The following UGT2B7 variants were observed in gnomAD, a reference collection of about 807,000 sequenced individuals.
UGT2B7 encodes UDP-glucuronosyltransferase 2B7.
UGT2B7 carries 51 observed loss-of-function variants against 51.9 expected under a neutral mutation model. That is an observed-to-expected ratio of 0.98 (90% CI 0.78 to 1.24). The LOEUF (loss-of-function observed/expected upper bound fraction) is 1.24. UGT2B7 is among the 50% of genes most tolerant of loss of function. The probability of loss-of-function intolerance (pLI) is 0.00; values close to 1 mark genes in which losing one functional copy is unlikely to be tolerated. For missense variants in UGT2B7, 727 were observed against 628.4 expected (o/e 1.16, Z -1.68); for synonymous variants, 225 against 211.6 (o/e 1.06, Z -0.55).
At chr4:69,090,935 G>A (rs1027423431) in intron 2 of UGT2B7, among the ~76,000 whole-genome samples, 3 of 152,078 alleles carry the variant, frequency 2.0e-5, no homozygotes, top group Non-Finnish European at 2.9e-5. Context: ...ACTGCCTAAG[G>A]TCTTCATTCC....
intron 5 of UGT2B7, among the ~76,000 whole-genome samples, chr4:69,110,734 TG>T (rs1435859003): frequency 6.6e-6 from 1 of 152,136 alleles, no homozygotes; most frequent in African/African-American, 2.4e-5. Flanking sequence ...GGTGACTAAA[TG>T]GTTCAGAAAA....
intron 1 of UGT2B7, among the ~76,000 whole-genome samples, chr4:69,068,377 T>C (rs1560500802): frequency 6.6e-6 from 1 of 152,006 alleles, no homozygotes; most frequent in African/African-American, 2.4e-5. Flanking sequence ...TTTGCTTATT[T>C]TGAAGAATTA....
At chr4:69,059,307 C>T (rs532461679) in intron 1 of UGT2B7, among the ~76,000 whole-genome samples, 2 of 152,146 alleles carry the variant, frequency 1.3e-5, no homozygotes, top group African/African-American at 4.8e-5. Flanking sequence ...ATCGGTTGGT[C>T]AAAGAGGTGT....
chr4:69,110,496 A>G (rs1197494648), intron 5 of UGT2B7, among the ~76,000 whole-genome samples: 3 of 152,082 alleles, frequency 2.0e-5, no homozygotes, highest in Non-Finnish European at 4.4e-5. Flanking sequence ...AGAATTATCA[A>G]TATTGTCCAA....
intron 5 of UGT2B7, among the ~76,000 whole-genome samples, chr4:69,111,019 C>A (rs188844415): frequency 2.0e-5 from 3 of 152,130 alleles, no homozygotes; most frequent in Non-Finnish European, 4.4e-5. Context: ...GTAAAAGCCT[C>A]TCTTAGAGGT....
chr4:69,094,043 C>T (rs553782706), upstream of UGT2B7, among the ~76,000 whole-genome samples: 37 of 151,418 alleles, frequency 2.4e-4, no homozygotes, highest in African/African-American at 7.0e-4. Context: ...ACAAGGCATA[C>T]TTCTGAGATG....
chr4:69,089,931 A>G (rs952589219), intron 2 of UGT2B7, among the ~76,000 whole-genome samples: 1 of 152,190 alleles, frequency 6.6e-6, no homozygotes, highest in African/African-American at 2.4e-5. Context: ...AAAACCCTGA[A>G]GTGTACTAAC....
At chr4:69,090,553 A>C (rs1489391133) in intron 2 of UGT2B7, among the ~76,000 whole-genome samples, 10 of 152,160 alleles carry the variant, frequency 6.6e-5, no homozygotes, top group African/African-American at 2.4e-4. Flanking sequence ...CTATCCAAAA[A>C]CAAACAGCAA....
At chr4:69,088,888 C>T (rs935337517) in intron 1 of UGT2B7, among the ~76,000 whole-genome samples, 2 of 152,138 alleles carry the variant, frequency 1.3e-5, no homozygotes, top group African/African-American at 4.8e-5. Flanking sequence ...ATTTCCTCCT[C>T]TGATCTTGGC....
intron 1 of UGT2B7, among the ~76,000 whole-genome samples, chr4:69,077,544 C>G (rs535387124): frequency 6.6e-6 from 1 of 151,162 alleles, no homozygotes; most frequent in Non-Finnish European, 1.5e-5. Flanking sequence ...CTCTTTGTGT[C>G]AATTGGGAAT....
In UGT2B7 at chr4:69,108,155, C is replaced by G; in HGVS notation, c.1143C>G (p.Tyr381Ter). ...CTCATGGTGGAGCCAATGGCATCTA[C>G]GAGGCAATCTACCATGGGATCCCTA... Reference protein sequence around the residue: ...FITHGGANGIYEAIYHGIPMV... With the variant: ...FITHGGANGI The change falls in exon 5 of 6, where the codon TAC becomes TAG. Residue 381 changes from tyrosine (Y) to a stop codon, truncating the protein, a stop_gained. Coordinates refer to ENST00000305231, the MANE Select transcript of UGT2B7 (RefSeq NM_001074.4). LOFTEE classifies it high-confidence loss of function. 2.5e-6 allele frequency: 4 copies of G among 1,613,630 alleles called. No homozygotes were observed. The highest frequency in any genetic ancestry group is 2.5e-6 in the Non-Finnish European group (3 of 1,179,658).
At chr4:69,058,047 C>T (rs574140360) in intron 1 of UGT2B7, among the ~76,000 whole-genome samples, 1 of 152,100 alleles carries the variant, frequency 6.6e-6, no homozygotes, top group Non-Finnish European at 1.5e-5. Context: ...CAGTTCAAGC[C>T]GAGAGTAATC....
At chr4:69,102,311 T>C (rs1413649053) in intron 2 of UGT2B7, among the ~76,000 whole-genome samples, 1 of 152,166 alleles carries the variant, frequency 6.6e-6, no homozygotes, top group African/African-American at 2.4e-5. Context: ...GAGTAGCTTA[T>C]CCTCAGAGCT....
intron 3 of UGT2B7, among the ~76,000 whole-genome samples, chr4:69,106,814 A>G (rs1719614075): frequency 1.3e-5 from 2 of 150,278 alleles, no homozygotes; most frequent in South Asian, 2.1e-4. Context: ...ATGCTATCTC[A>G]TTATGGTTTT....
intron 2 of UGT2B7, among the ~76,000 whole-genome samples, chr4:69,100,933 A>G (rs1484446336): frequency 6.6e-5 from 10 of 152,158 alleles, no homozygotes; most frequent in Admixed American, 1.3e-4. Context: ...TATCAGTTTT[A>G]TAATATGTTC....
At chr4:69,053,127 C>T (rs1718083658) in intron 1 of UGT2B7, among the ~76,000 whole-genome samples, 1 of 151,930 alleles carries the variant, frequency 6.6e-6, no homozygotes, top group African/African-American at 2.4e-5. Context: ...TAAAATCTTA[C>T]CTTATGGTCA....
At chr4:69,066,473 C>T (rs997461533) in intron 1 of UGT2B7, 1 of 152,008 alleles carries the variant, frequency 6.6e-6, no homozygotes, top group African/African-American at 2.4e-5. Context: ...TCCAGAATGA[C>T]CTTCTCGGTA....
At chr4:69,063,386 C>T (rs1044637216) in intron 1 of UGT2B7, among the ~76,000 whole-genome samples, 1 of 150,294 alleles carries the variant, frequency 6.7e-6, no homozygotes, top group Admixed American at 6.6e-5. Flanking sequence ...ACTATAGGTA[C>T]CTGGGCACAA....
At position 69,097,192 on chromosome 4, in the gene UGT2B7, C is replaced by T. The variant is rs560135869; in HGVS notation, c.672C>T (p.Phe224=). 1.8e-5 allele frequency: 29 copies of T among 1,612,054 alleles called. No individual in the cohort carries two copies. The highest frequency in any genetic ancestry group is 8.8e-5 in the South Asian group (8 of 90,808). The change falls in exon 1 of 6, where the codon TTC becomes TTT. Residue 224 remains phenylalanine (F), a synonymous_variant. Coordinates refer to ENST00000305231, the MANE Select transcript of UGT2B7 (RefSeq NM_001074.4). ...MIYVLYFDFW[F]EIFDMKKWDQ... The stretch of plus-strand genomic sequence containing the variant: ...ATGTGCTTTACTTTGACTTTTGGTT[C>T]GAAATATTTGACATGAAGAAGTGGG...
Sources: gnomAD v4.1 joint callset for allele counts (sites outside exome capture counted in the v4.1 genomes callset) on GRCh38, gnomAD v4.1.1 for gene constraint, MANE v1.5 for transcripts, NCBI Gene and HGNC (gene_info 2026-07-23, HGNC 2026-07-21) for gene names.